RBFOX1: variants seen among roughly 807,000 people sequenced by gnomAD.
The protein encoded by RBFOX1 is RNA binding fox-1 homolog 1, also known as RNA binding protein fox-1 homolog 1.
RBFOX1 carries 8 observed loss-of-function variants against 57.7 expected under a neutral mutation model. That is an observed-to-expected ratio of 0.14 (90% CI 0.08 to 0.25). RBFOX1 has a LOEUF of 0.25. Ranked by LOEUF, RBFOX1 falls within the 10% of genes least tolerant of loss-of-function variation. The probability of loss-of-function intolerance (pLI) is 1.00; values close to 1 mark genes in which losing one functional copy is unlikely to be tolerated. For synonymous variants in RBFOX1, 326 were observed against 222.4 expected, an observed-to-expected ratio of 1.47 and a Z score of -4.15; for missense variants, 611 against 548.5, an observed-to-expected ratio of 1.11 and a Z score of -1.14.
At chr16:5,592,296 A>G (rs986238286) in intron 2 of RBFOX1, among the ~76,000 whole-genome samples, 5 of 151,104 alleles carry the variant, frequency 3.3e-5, no homozygotes, top group African/African-American at 9.7e-5. Context: ...TACTTTGTTT[A>G]TGGTATTTTT....
intron 4 of RBFOX1, among the ~76,000 whole-genome samples, chr16:7,497,958 C>G (rs1184507456): frequency 1.3e-5 from 2 of 152,194 alleles, no homozygotes; most frequent in African/African-American, 4.8e-5. Flanking sequence ...GTTGATTTCA[C>G]ACAGAGTAAA....
intron 4 of RBFOX1, among the ~76,000 whole-genome samples, chr16:7,253,624 G>C (rs1005395959): frequency 6.6e-6 from 1 of 152,018 alleles, no homozygotes; most frequent in Non-Finnish European, 1.5e-5. Flanking sequence ...TTTCTGTTCA[G>C]CTCATTTCTA....
chr16:6,841,934 C>A (rs1012437360), intron 3 of RBFOX1, among the ~76,000 whole-genome samples: 9 of 151,214 alleles, frequency 6.0e-5, no homozygotes, highest in African/African-American at 2.2e-4. Flanking sequence ...GTCAGGAGAT[C>A]GAGACCATCC....
chr16:6,647,643 T>A (rs2098544646), intron 2 of RBFOX1, among the ~76,000 whole-genome samples: 1 of 152,200 alleles, frequency 6.6e-6, no homozygotes, highest in African/African-American at 2.4e-5. Context: ...AGCTATGACA[T>A]ATGAATTTTA....
At chr16:7,464,617 T>G (rs1167938342) in intron 4 of RBFOX1, among the ~76,000 whole-genome samples, 1 of 151,734 alleles carries the variant, frequency 6.6e-6, no homozygotes, top group Non-Finnish European at 1.5e-5. Flanking sequence ...TGAGGCAATA[T>G]CTACAATGTC....
At chr16:5,721,796 C>A (rs923026634) in intron 3 of RBFOX1, among the ~76,000 whole-genome samples, 5 of 152,170 alleles carry the variant, frequency 3.3e-5, no homozygotes, top group African/African-American at 1.2e-4. Flanking sequence ...CTGTCACAAC[C>A]CTGCCTGTGG....
intron 1 of RBFOX1, among the ~76,000 whole-genome samples, chr16:5,351,864 C>T (rs1230225426): frequency 1.3e-5 from 2 of 152,142 alleles, no homozygotes; most frequent in Admixed American, 6.5e-5. Flanking sequence ...AGTACAATGG[C>T]ACAATCTTGG....
intron 3 of RBFOX1, among the ~76,000 whole-genome samples, chr16:7,000,147 T>G (rs2092657352): frequency 1.3e-5 from 2 of 151,950 alleles, no homozygotes; most frequent in East Asian, 1.9e-4. Context: ...GTACTTACAA[T>G]TAGAATATGA....
chr16:6,548,965 C>G (rs1023451037), intron 2 of RBFOX1, among the ~76,000 whole-genome samples: 2 of 150,630 alleles, frequency 1.3e-5, no homozygotes, highest in African/African-American at 4.9e-5. Context: ...ATCCCAGGTA[C>G]TCAAGTGGCT....
chr16:7,054,305 T>A (rs1216217020), intron 4 of RBFOX1, among the ~76,000 whole-genome samples: 3 of 126,120 alleles, frequency 2.4e-5, no homozygotes, highest in African/African-American at 8.7e-5. Context: ...CGTGGCGCAA[T>A]CTCAGTTCAC....
At chr16:6,846,289 T>C (rs2093750720) in intron 3 of RBFOX1, among the ~76,000 whole-genome samples, 1 of 152,132 alleles carries the variant, frequency 6.6e-6, no homozygotes, top group Non-Finnish European at 1.5e-5. Context: ...CAATTCCGTG[T>C]CATCAAGAAA....
Position 6,909,336 on chromosome 16 carries a change from A to G in RBFOX1, c.-15-142721A>G, listed in dbSNP as rs150949611. The stretch of plus-strand genomic sequence containing the variant: ...CCTCCTTCTCTGGTCTTCCTCTTGT[A>G]AGGAACTTTGTGATTACTTTGGGTC... On this transcript the variant is annotated intron_variant, in intron 3 of 15. Transcript: ENST00000550418. 7.8e-3 allele frequency among the ~76,000 whole-genome samples: 1,181 copies of G among 152,264 alleles called. 13 individuals are homozygous for G. The highest frequency in any genetic ancestry group is 0.011 in the Admixed American group (170 of 15,300).
chr16:6,187,096 C>T (rs1280721770), intron 1 of RBFOX1, among the ~76,000 whole-genome samples: 1 of 152,136 alleles, frequency 6.6e-6, no homozygotes, highest in African/African-American at 2.4e-5. Context: ...GGATGCAACA[C>T]TATATCAGAG....
chr16:7,231,605 C>T (rs746559878), intron 4 of RBFOX1, among the ~76,000 whole-genome samples: 1 of 152,168 alleles, frequency 6.6e-6, no homozygotes, highest in South Asian at 2.1e-4. Flanking sequence ...TATAACATCA[C>T]CATTCATTAC....
chr16:7,254,909 A>G (rs9938008), intron 4 of RBFOX1, among the ~76,000 whole-genome samples: 30 of 152,204 alleles, frequency 2.0e-4, no homozygotes, highest in African/African-American at 5.8e-4. Context: ...TTGTACCATC[A>G]TTTCTCTAGA....
chr16:5,496,739 T>G (rs540139305), intron 2 of RBFOX1, among the ~76,000 whole-genome samples: 21 of 152,320 alleles, frequency 1.4e-4, no homozygotes, highest in Admixed American at 4.6e-4. Context: ...TGGCTTTTGT[T>G]ACATCTTTAT....
chr16:7,288,933 G>A (rs370335971), intron 4 of RBFOX1, among the ~76,000 whole-genome samples: 4 of 152,310 alleles, frequency 2.6e-5, no homozygotes, highest in East Asian at 1.9e-4. Context: ...CATTGGAATC[G>A]TTTGTCTGGT....
At chr16:7,611,871 A>C (rs12918921) in intron 10 of RBFOX1, among the ~76,000 whole-genome samples, 1,774 of 152,324 alleles carry the variant, frequency 0.012, 33 homozygotes, top group African/African-American at 0.04. Context: ...ATTCCGTGCC[A>C]GTCTTCAGAG....
At chr16:5,434,532 G>A (rs1325146224) in intron 1 of RBFOX1, among the ~76,000 whole-genome samples, 1 of 151,572 alleles carries the variant, frequency 6.6e-6, no homozygotes, top group Admixed American at 6.6e-5. Flanking sequence ...ATGTTAAGCT[G>A]GTCTCAAACT....
Sources: gnomAD v4.1 joint callset for allele counts (sites outside exome capture counted in the v4.1 genomes callset) on GRCh38, gnomAD v4.1.1 for gene constraint, MANE v1.5 for transcripts, NCBI Gene and HGNC (gene_info 2026-07-23, HGNC 2026-07-21) for gene names.